PTPRM: variants seen among roughly 807,000 people sequenced by gnomAD.
PTPRM encodes receptor-type tyrosine-protein phosphatase mu.
Under a neutral mutation model 186.7 loss-of-function variants are expected in PTPRM, and 47 were observed. The observed-to-expected ratio is 0.25, with a 90% CI of 0.20 to 0.32. The LOEUF is 0.32. Among genes scored for constraint, PTPRM ranks in the 10% least tolerant of loss-of-function variants. PTPRM has a pLI of 1.00. For missense variants in PTPRM, 1,494 were observed against 1,865.0 expected, an observed-to-expected ratio of 0.80 and a Z score of 3.66; for synonymous variants, 668 against 674.9, an observed-to-expected ratio of 0.99 and a Z score of 0.16.
chr18:7,866,084 C>T (rs61569452), intron 2 of PTPRM, among the ~76,000 whole-genome samples: 65,676 of 151,834 alleles, frequency 0.43, 17,713 homozygotes, highest in African/African-American at 0.75. Context: ...TTTTCTCCTT[C>T]ATTAATCTGG....
At chr18:7,850,693 A>G (rs938410717) in intron 2 of PTPRM, among the ~76,000 whole-genome samples, 13 of 152,240 alleles carry the variant, frequency 8.5e-5, no homozygotes, top group African/African-American at 2.7e-4. Context: ...TGATCATGCA[A>G]GCACTAGAAA....
chr18:8,384,157 C>T (rs574927250), intron 29 of PTPRM, among the ~76,000 whole-genome samples: 3 of 152,202 alleles, frequency 2.0e-5, no homozygotes, highest in Non-Finnish European at 2.9e-5. Flanking sequence ...GTGAAATCTT[C>T]AGAATTCCTG....
At chr18:7,813,348 G>A (rs1278048382) in intron 2 of PTPRM, among the ~76,000 whole-genome samples, 1 of 152,224 alleles carries the variant, frequency 6.6e-6, no homozygotes, top group African/African-American at 2.4e-5. Context: ...AAGATCAAGT[G>A]CTTGGAACCG....
intron 7 of PTPRM, among the ~76,000 whole-genome samples, chr18:7,965,747 A>G (rs567944397): frequency 1.3e-3 from 192 of 152,252 alleles, no homozygotes; most frequent in African/African-American, 4.3e-3. Flanking sequence ...GGTGGATTTT[A>G]TCTTGACCTC....
chr18:8,384,599 A>T lies in PTPRM; in HGVS notation c.3957A>T (p.Arg1319Ser). ...ACTGGCCAGAAAACGGAGTACACAG[A>T]CACGGCCCCATCCAGGTGGAATTTG... ...PQYWPENGVH[R>S]HGPIQVEFVS... Residue 1319 changes from arginine (R) to serine (S), a missense_variant, in exon 30 of 33, where the codon AGA becomes AGT. Around this residue, in one of 3 missense-constraint regions of PTPRM, gnomAD observed 1,107 missense variants for 1,350.2 expected, o/e 0.82. Coordinates refer to ENST00000580170, the MANE Select transcript of PTPRM (RefSeq NM_001105244.2). The T allele has an allele frequency of 2.5e-6, 4 of 1,614,210 alleles. No homozygotes were observed. Among genetic ancestry groups the T allele is most frequent in the Non-Finnish European group, 3.4e-6 (4 of 1,180,014 alleles).
chr18:7,745,833 A>G (rs2040974027), intron 1 of PTPRM, among the ~76,000 whole-genome samples: 1 of 152,230 alleles, frequency 6.6e-6, no homozygotes, highest in South Asian at 2.1e-4. Flanking sequence ...GAGAATTTTG[A>G]TATCAGTTAC....
At chr18:8,328,030 T>C (rs1449903137) in intron 22 of PTPRM, among the ~76,000 whole-genome samples, 1 of 152,258 alleles carries the variant, frequency 6.6e-6, no homozygotes, top group Non-Finnish European at 1.5e-5. Context: ...CCTCAAACAC[T>C]GCACAACAGT....
intron 1 of PTPRM, among the ~76,000 whole-genome samples, chr18:7,641,310 T>A (rs1170949197): frequency 6.6e-6 from 1 of 152,238 alleles, no homozygotes; most frequent in Non-Finnish European, 1.5e-5. Flanking sequence ...ACATTTGATT[T>A]TTCCTAATTA....
At chr18:7,597,967 G>A (rs138519368) in intron 1 of PTPRM, among the ~76,000 whole-genome samples, 2 of 152,188 alleles carry the variant, frequency 1.3e-5, no homozygotes, top group African/African-American at 4.8e-5. Flanking sequence ...ATAGTGCAGC[G>A]TTCCAGGCCT....
intron 1 of PTPRM, among the ~76,000 whole-genome samples, chr18:7,771,606 T>G (rs1013595307): frequency 6.6e-6 from 1 of 152,252 alleles, no homozygotes; most frequent in Admixed American, 6.5e-5. Flanking sequence ...TTGAAACAAG[T>G]AATTGTTAAA....
chr18:7,974,744 G>A (rs931846387), intron 7 of PTPRM, among the ~76,000 whole-genome samples: 21 of 152,132 alleles, frequency 1.4e-4, no homozygotes, highest in African/African-American at 4.8e-4. Context: ...CACATCTAAC[G>A]GGCAGAGAAG....
chr18:8,400,060 G>A (rs2095864066), intron 32 of PTPRM, among the ~76,000 whole-genome samples: 1 of 152,184 alleles, frequency 6.6e-6, no homozygotes, highest in African/African-American at 2.4e-5. Flanking sequence ...AAGGGCACAG[G>A]TTAGTGTAGG....
At chr18:7,629,556 A>T (rs1227547899) in intron 1 of PTPRM, among the ~76,000 whole-genome samples, 4 of 152,134 alleles carry the variant, frequency 2.6e-5, no homozygotes, top group Non-Finnish European at 5.9e-5. Context: ...TTTTTGGAGG[A>T]GCATGTATGA....
chr18:8,311,754 G>T (rs1022748192), intron 20 of PTPRM, among the ~76,000 whole-genome samples: 3 of 152,160 alleles, frequency 2.0e-5, no homozygotes, highest in Non-Finnish European at 4.4e-5. Context: ...AAATTTTGGG[G>T]TGTGGATAAA....
chr18:8,362,075 C>A (rs2095600235), intron 23 of PTPRM, among the ~76,000 whole-genome samples: 2 of 152,216 alleles, frequency 1.3e-5, no homozygotes, highest in South Asian at 4.2e-4. Flanking sequence ...ATCCTGCCAC[C>A]CCAGTCCTGA....
intron 1 of PTPRM, among the ~76,000 whole-genome samples, chr18:7,744,765 G>C (rs1049213802): frequency 6.6e-6 from 1 of 152,022 alleles, no homozygotes; most frequent in Non-Finnish European, 1.5e-5. Context: ...TGTGTTCATC[G>C]ACTTTTATCT....
At chr18:8,180,136 GA>G (rs200976549) in intron 14 of PTPRM, among the ~76,000 whole-genome samples, 10 of 151,952 alleles carry the variant, frequency 6.6e-5, no homozygotes, top group Middle Eastern at 3.4e-3. Flanking sequence ...AAAGGGAGGG[GA>G]AAAAAAACAT....
intron 7 of PTPRM, among the ~76,000 whole-genome samples, chr18:8,000,298 G>A (rs1197049581): frequency 6.6e-6 from 1 of 152,164 alleles, no homozygotes; most frequent in Non-Finnish European, 1.5e-5. Context: ...TGAATATGAT[G>A]CTTTATTTAG....
intron 2 of PTPRM, among the ~76,000 whole-genome samples, chr18:7,846,545 G>A (rs948321764): frequency 9.2e-5 from 14 of 152,282 alleles, no homozygotes; most frequent in East Asian, 3.9e-4. Flanking sequence ...GCCCTCTCCC[G>A]TGCTTCTGTA....
Sources: allele counts gnomAD v4.1 joint callset (sites outside exome capture counted in the v4.1 genomes callset), GRCh38; gene constraint gnomAD v4.1.1; regional missense constraint gnomAD v4.1.1; transcripts MANE v1.5; gene names NCBI Gene and HGNC (gene_info 2026-07-23, HGNC 2026-07-21).